The following DOCK3 variants were observed in gnomAD, a reference collection of about 807,000 sequenced individuals.
The protein encoded by DOCK3 is dedicator of cytokinesis protein 3.
In DOCK3, 60 loss-of-function variants were observed where a neutral mutation model predicts 265.6. That is an observed-to-expected ratio of 0.23 (90% CI 0.18 to 0.28). DOCK3 has a LOEUF of 0.28. Among genes scored for constraint, DOCK3 ranks in the 10% least tolerant of loss-of-function variants. The pLI is 1.00. For missense variants in DOCK3, 1,981 were observed against 2,594.3 expected (o/e 0.76, Z 5.14); for synonymous variants, 881 against 938.0 (o/e 0.94, Z 1.11).
chr3:50,731,618 A>T (rs1448454839), intron 1 of DOCK3, among the ~76,000 whole-genome samples: 3 of 152,146 alleles, frequency 2.0e-5, no homozygotes, highest in Non-Finnish European at 4.4e-5. Flanking sequence ...AGAGAAGAAT[A>T]TGCAGTCATC....
intron 1 of DOCK3, among the ~76,000 whole-genome samples, chr3:50,707,435 T>TAAAA (rs778924258): frequency 2.2e-5 from 3 of 136,926 alleles, no homozygotes; most frequent in Admixed American, 1.5e-4. Flanking sequence ...AGACTCTGTC[T>TAAAA]AAAAAAAAAA....
intron 21 of DOCK3, among the ~76,000 whole-genome samples, chr3:51,240,334 G>C (rs995762828): frequency 2.6e-5 from 4 of 152,146 alleles, no homozygotes; most frequent in East Asian, 1.9e-4. Context: ...ATTTTGCTGA[G>C]GAGTGTTTTG....
At chr3:51,202,299 G>A (rs1333480332) in intron 12 of DOCK3, among the ~76,000 whole-genome samples, 1 of 150,794 alleles carries the variant, frequency 6.6e-6, no homozygotes, top group Admixed American at 6.6e-5. Context: ...AAAGAGAGAA[G>A]AATCAAATAG....
intron 5 of DOCK3, among the ~76,000 whole-genome samples, chr3:51,023,297 T>G (rs973235102): frequency 6.6e-5 from 10 of 152,172 alleles, no homozygotes; most frequent in Non-Finnish European, 1.0e-4. Context: ...AAGCCTGTCT[T>G]TGAGCTCTGA....
intron 4 of DOCK3, among the ~76,000 whole-genome samples, chr3:50,912,012 CA>C (rs2049879142): frequency 6.6e-6 from 1 of 151,954 alleles, no homozygotes; most frequent in South Asian, 2.1e-4. Flanking sequence ...CTGATTTTGG[CA>C]GGTTGATGTT....
intron 10 of DOCK3, among the ~76,000 whole-genome samples, chr3:51,150,315 G>GT (rs1346206816): frequency 1.3e-4 from 20 of 152,058 alleles, no homozygotes; most frequent in Non-Finnish European, 5.9e-5. Flanking sequence ...TTTTTGAAGG[G>GT]TTTTTTGTGT....
intron 2 of DOCK3, among the ~76,000 whole-genome samples, chr3:50,794,240 T>C (rs2042645455): frequency 6.6e-6 from 1 of 152,220 alleles, no homozygotes; most frequent in Non-Finnish European, 1.5e-5. Context: ...TGTAAATTTC[T>C]ATCAGATCCA....
intron 1 of DOCK3, among the ~76,000 whole-genome samples, chr3:50,730,149 A>G (rs1001348140): frequency 1.8e-4 from 27 of 151,650 alleles, no homozygotes; most frequent in Non-Finnish European, 4.4e-5. Context: ...AAAAATATAT[A>G]TTTATTTTTT....
chr3:51,198,055 C>T (rs1019752490), intron 12 of DOCK3, among the ~76,000 whole-genome samples: 2 of 152,236 alleles, frequency 1.3e-5, no homozygotes, highest in African/African-American at 4.8e-5. Context: ...GCATACTCCC[C>T]AGTCCCATTA....
chr3:50,965,106 C>A (rs1346108726), intron 5 of DOCK3, among the ~76,000 whole-genome samples: 1 of 152,076 alleles, frequency 6.6e-6, no homozygotes. Flanking sequence ...TAATAGAGTT[C>A]ACATCATATA....
chr3:51,198,688 G>A (rs2088484526), intron 12 of DOCK3, among the ~76,000 whole-genome samples: 1 of 151,694 alleles, frequency 6.6e-6, no homozygotes, highest in Admixed American at 6.6e-5. Context: ...CTCTTTATAC[G>A]AATTCAAACT....
chr3:50,957,169 A>G (rs1004918189), intron 5 of DOCK3, among the ~76,000 whole-genome samples: 2 of 152,228 alleles, frequency 1.3e-5, no homozygotes, highest in African/African-American at 4.8e-5. Flanking sequence ...ATATTTGTAT[A>G]TTTATTTGAG....
chr3:51,045,580 C>T (rs1377732802), intron 5 of DOCK3, among the ~76,000 whole-genome samples: 4 of 152,050 alleles, frequency 2.6e-5, no homozygotes, highest in African/African-American at 9.7e-5. Context: ...TTGTAAAAAC[C>T]GTAATATCTG....
chr3:51,144,732 G>A (rs1478507832), intron 9 of DOCK3, among the ~76,000 whole-genome samples: 2 of 152,136 alleles, frequency 1.3e-5, no homozygotes, highest in African/African-American at 4.8e-5. Flanking sequence ...AAAGTACCTT[G>A]TATATGTCTT....
rs2086751391 is a variant in DOCK3 at position 51,361,737 on chromosome 3, T to C, written c.5007-122T>C. ...CTCAGATGGGTATGAGCATTGACTA[T>C]GGAACCCTCCAAACCGGTGGTAGCT... On this transcript the variant is annotated intron_variant, in intron 47 of 52. Coordinates refer to ENST00000266037, the MANE Select transcript of DOCK3 (RefSeq NM_004947.5). The surrounding 1 kb of genome is among the most constrained non-coding windows in gnomAD (Gnocchi z 4.2). The C allele has an allele frequency of 4.5e-6, 6 of 1,347,040 alleles. No individual in the cohort carries two copies. In the South Asian group the frequency reaches 7.2e-5, roughly 16 times the overall value. The allele number at this position is 1,347,040 out of a possible 1,614,324, so 83.4% of individuals were successfully genotyped here.
At chr3:51,210,611 A>G (rs2089450208) in intron 13 of DOCK3, among the ~76,000 whole-genome samples, 1 of 152,204 alleles carries the variant, frequency 6.6e-6, no homozygotes, top group African/African-American at 2.4e-5. Context: ...GCTTCTGAGC[A>G]TGAGTTTTCT....
At chr3:50,889,071 GT>G (rs1559773818) in intron 3 of DOCK3, among the ~76,000 whole-genome samples, 8 of 115,236 alleles carry the variant, frequency 6.9e-5, no homozygotes, top group African/African-American at 8.9e-5. Context: ...CCATGGGTGT[GT>G]GTGTGTGTGT....
chr3:50,775,821 T>G (rs1319638030), intron 1 of DOCK3, among the ~76,000 whole-genome samples: 1 of 142,876 alleles, frequency 7.0e-6, no homozygotes, highest in Non-Finnish European at 1.5e-5. Context: ...CTCCCACTTA[T>G]AGATGAGAAC....
At position 51,322,026 on chromosome 3, in the gene DOCK3, G is replaced by A. The variant is rs185684666; in HGVS notation, c.3402+6898G>A. Among the ~76,000 whole-genome samples, 9 of 151,816 alleles carry A rather than the reference G, an allele frequency of 5.9e-5. No individual in the cohort carries two copies. In the South Asian group the frequency reaches 6.2e-4, roughly 11 times the overall value. ...AAGAACAACCCCAAGACATATAATC[G>A]TCAGATTCACCAAGGTTGAAATGAA... On this transcript the variant is annotated intron_variant, in intron 32 of 52. Transcript: ENST00000266037.
Sources: allele counts gnomAD v4.1 joint callset (sites outside exome capture counted in the v4.1 genomes callset), GRCh38; gene constraint gnomAD v4.1.1; non-coding constraint Gnocchi (gnomAD v3.1); transcripts MANE v1.5; gene names NCBI Gene and HGNC (gene_info 2026-07-23, HGNC 2026-07-21).